Variants in MTHFD2L observed in about 807,000 individuals in gnomAD.
The protein encoded by MTHFD2L is bifunctional methylenetetrahydrofolate dehydrogenase/cyclohydrolase 2, mitochondrial.
MTHFD2L carries 29 observed loss-of-function variants against 34.9 expected under a neutral mutation model. That is an observed-to-expected ratio of 0.83 (90% CI 0.62 to 1.13). MTHFD2L has a LOEUF of 1.13. Ranked by LOEUF, MTHFD2L falls within the 50% of genes most tolerant of loss-of-function variation. MTHFD2L has a pLI of 0.00. For missense variants in MTHFD2L, 481 were observed against 446.5 expected, an observed-to-expected ratio of 1.08 and a Z score of -0.70; for synonymous variants, 167 against 155.7, an observed-to-expected ratio of 1.07 and a Z score of -0.54.
chr4:74,292,843 TTTTTA>T (rs1335759287), intron 7 of MTHFD2L, among the ~76,000 whole-genome samples: 3 of 151,948 alleles, frequency 2.0e-5, no homozygotes, highest in African/African-American at 7.2e-5. Flanking sequence ...AGAAATATCT[TTTTTA>T]TTTTATTTTA....
intron 1 of MTHFD2L, among the ~76,000 whole-genome samples, chr4:74,128,809 C>T (rs545305176): frequency 2.0e-5 from 3 of 152,094 alleles, no homozygotes; most frequent in Admixed American, 1.3e-4. Context: ...GCTTGTCATT[C>T]TTGAAGGCAG....
intron 5 of MTHFD2L, among the ~76,000 whole-genome samples, chr4:74,224,494 C>T (rs369194863): frequency 9.9e-5 from 15 of 152,230 alleles, no homozygotes; most frequent in African/African-American, 3.6e-4. Context: ...GTAACATTTG[C>T]ACATCTTCCA....
At chr4:74,296,116 G>C (rs1256907908) in intron 7 of MTHFD2L, among the ~76,000 whole-genome samples, 2 of 152,130 alleles carry the variant, frequency 1.3e-5, no homozygotes, top group East Asian at 3.8e-4. Context: ...ATCTGGTCCA[G>C]TTTATGGCAT....
intron 6 of MTHFD2L, among the ~76,000 whole-genome samples, chr4:74,273,602 T>C (rs1284469194): frequency 1.3e-5 from 2 of 152,144 alleles, no homozygotes; most frequent in African/African-American, 4.8e-5. Flanking sequence ...GCCTTGAAAA[T>C]GTCTATTATA....
At chr4:74,245,902 A>G (rs1274564028) in intron 6 of MTHFD2L, among the ~76,000 whole-genome samples, 5 of 150,292 alleles carry the variant, frequency 3.3e-5, no homozygotes, top group Admixed American at 1.3e-4. Context: ...GTTGGTTCCA[A>G]GTCTTTGCTA....
rs1201621402 is a variant in MTHFD2L, at chr4:74,158,185, G to A, written c.47G>A (p.Gly16Asp). 6.6e-7 allele frequency: 1 copy of A among 1,526,528 alleles called. No individual in the cohort carries two copies. The highest frequency in any genetic ancestry group is 2.1e-5 in the Admixed American group (1 of 48,308). The allele number at this position is 1,526,528 out of a possible 1,614,324, so 94.6% of individuals were successfully genotyped here. ...TTCTCGCTGCTCCGCGGCCGCCTTG[G>A]CCGAGCGCCGGCGTTGGGCAGAAGC... ...RGFSLLRGRL[G>D]RAPALGRSTA... Residue 16 changes from glycine to aspartate, a missense_variant, in exon 1 of 8, where the codon GGC (glycine) becomes GAC (aspartate). Coordinates refer to ENST00000325278, the MANE Select transcript of MTHFD2L (RefSeq NM_001144978.3).
At chr4:74,259,489 C>A (rs1443305631) in intron 6 of MTHFD2L, among the ~76,000 whole-genome samples, 1 of 152,166 alleles carries the variant, frequency 6.6e-6, no homozygotes, top group Non-Finnish European at 1.5e-5. Flanking sequence ...CAGCACTGGG[C>A]CACTGCACCT....
At chr4:74,242,145 A>C (rs1362253582) in intron 6 of MTHFD2L, 1 of 152,128 alleles carries the variant, frequency 6.6e-6, no homozygotes, top group Non-Finnish European at 1.5e-5. Flanking sequence ...AATGGATGTG[A>C]ATCTATAATT....
At chr4:74,167,220 T>G (rs1726906573) in intron 1 of MTHFD2L, among the ~76,000 whole-genome samples, 3 of 152,184 alleles carry the variant, frequency 2.0e-5, no homozygotes, top group African/African-American at 4.8e-5. Flanking sequence ...ATCCAAGGGC[T>G]TTAGCAGCAA....
intron 6 of MTHFD2L, among the ~76,000 whole-genome samples, chr4:74,262,888 C>T (rs1212859098): frequency 2.0e-5 from 3 of 151,884 alleles, no homozygotes; most frequent in African/African-American, 7.2e-5. Context: ...TCTAAAAATA[C>T]CTGACCTGTA....
At chr4:74,154,918 TA>T (rs539447492), upstream of MTHFD2L, among the ~76,000 whole-genome samples, 289 of 152,310 alleles carry the variant, frequency 1.9e-3, no homozygotes, top group South Asian at 3.9e-3. Context: ...TGTATTAAGC[TA>T]AAACTGATGT....
intron 4 of MTHFD2L, 109 bp downstream of exon 4, chr4:74,200,055 A>G: frequency 8.1e-6 from 8 of 984,166 alleles, no homozygotes; most frequent in Middle Eastern, 2.2e-4. Flanking sequence ...AGAAAATCAT[A>G]ATCCATAAAA....
intron 5 of MTHFD2L, among the ~76,000 whole-genome samples, chr4:74,217,796 C>CA (rs1737443378): frequency 6.7e-6 from 1 of 149,380 alleles, no homozygotes; most frequent in South Asian, 2.1e-4. Flanking sequence ...AAATTTCTTA[C>CA]AGTCAAGACT....
At chr4:74,140,711 C>G (rs1271055454) in intron 1 of MTHFD2L, among the ~76,000 whole-genome samples, 1 of 152,188 alleles carries the variant, frequency 6.6e-6, no homozygotes, top group African/African-American at 2.4e-5. Flanking sequence ...AGGAAACTTA[C>G]AATCATGGCA....
chr4:74,248,596 C>G (rs1250322981), intron 6 of MTHFD2L, among the ~76,000 whole-genome samples: 6 of 147,838 alleles, frequency 4.1e-5, no homozygotes, highest in Admixed American at 4.0e-4. Flanking sequence ...TGGATCTTTC[C>G]TGCTTTCTCT....
chr4:74,212,596 G>A (rs1371548539), intron 5 of MTHFD2L, among the ~76,000 whole-genome samples: 1 of 152,066 alleles, frequency 6.6e-6, no homozygotes, highest in African/African-American at 2.4e-5. Context: ...TATTTGCTGA[G>A]GAGTGTTTTA....
chr4:74,252,641 A>T (rs1053392452), intron 6 of MTHFD2L, among the ~76,000 whole-genome samples: 1 of 152,186 alleles, frequency 6.6e-6, no homozygotes, highest in African/African-American at 2.4e-5. Flanking sequence ...TTTAACACTA[A>T]ATAGCAATAT....
At chr4:74,270,344 C>T (rs1023516822) in intron 6 of MTHFD2L, among the ~76,000 whole-genome samples, 5 of 151,922 alleles carry the variant, frequency 3.3e-5, no homozygotes, top group Non-Finnish European at 7.4e-5. Flanking sequence ...CAACAGGCCC[C>T]GGTGTGCGAT....
intron 6 of MTHFD2L, among the ~76,000 whole-genome samples, chr4:74,235,929 G>A (rs1386597124): frequency 6.6e-6 from 1 of 152,098 alleles, no homozygotes; most frequent in East Asian, 1.9e-4. Flanking sequence ...CCATATAGTG[G>A]AGACAAAATT....
Sources: gnomAD v4.1 joint callset for allele counts (sites outside exome capture counted in the v4.1 genomes callset) on GRCh38, gnomAD v4.1.1 for gene constraint, MANE v1.5 for transcripts, NCBI Gene and HGNC (gene_info 2026-07-23, HGNC 2026-07-21) for gene names.